APBA1: variants seen among roughly 807,000 people sequenced by gnomAD.
APBA1 encodes the protein amyloid-beta A4 precursor protein-binding family A member 1.
APBA1 carries 55 observed loss-of-function variants against 86.6 expected under a neutral mutation model. The ratio of observed to expected loss-of-function variants is 0.64; its 90% confidence interval spans 0.51 to 0.80. The LOEUF (loss-of-function observed/expected upper bound fraction) is 0.80. Ranked by LOEUF, APBA1 falls within the 30% of genes least tolerant of loss-of-function variation. The pLI is 0.00. For missense variants in APBA1, 1,090 were observed against 1,183.0 expected (o/e 0.92, Z 1.15); for synonymous variants, 511 against 493.9 (o/e 1.03, Z -0.46).
intron 1 of APBA1, among the ~76,000 whole-genome samples, chr9:69,625,148 G>T (rs1335859547): frequency 1.3e-5 from 2 of 152,042 alleles, no homozygotes; most frequent in African/African-American, 4.8e-5. Flanking sequence ...TAGTACATTG[G>T]CCACAAAAGC....
intron 1 of APBA1, among the ~76,000 whole-genome samples, chr9:69,651,634 C>T (rs946016539): frequency 6.6e-6 from 1 of 152,142 alleles, no homozygotes; most frequent in African/African-American, 2.4e-5. Context: ...CACCACCATG[C>T]CCAGCTAATT....
At chr9:69,433,904 C>T (rs1306592611) in intron 11 of APBA1, among the ~76,000 whole-genome samples, 4 of 151,466 alleles carry the variant, frequency 2.6e-5, no homozygotes, top group African/African-American at 9.7e-5. Context: ...CTTTGCCTCC[C>T]GGGTTCAGGT....
At chr9:69,518,085 C>T (rs1836196373) in intron 1 of APBA1, among the ~76,000 whole-genome samples, 1 of 152,238 alleles carries the variant, frequency 6.6e-6, no homozygotes, top group East Asian at 1.9e-4. Context: ...ATTGCGCACT[C>T]AGCATCCAGG....
intron 1 of APBA1, among the ~76,000 whole-genome samples, chr9:69,527,604 T>C (rs1836364618): frequency 6.6e-6 from 1 of 152,100 alleles, no homozygotes; most frequent in African/African-American, 2.4e-5. Context: ...GCTCTCACTG[T>C]TTGTGCTCTT....
intron 1 of APBA1, among the ~76,000 whole-genome samples, chr9:69,518,059 ATAGT>A (rs1354182707): frequency 6.6e-6 from 1 of 152,200 alleles, no homozygotes; most frequent in Non-Finnish European, 1.5e-5. Context: ...CTGGTTTCTA[ATAGT>A]TAGGCTTCCC....
chr9:69,650,946 A>G (rs1823486101), intron 1 of APBA1, among the ~76,000 whole-genome samples: 1 of 152,240 alleles, frequency 6.6e-6, no homozygotes, highest in Non-Finnish European at 1.5e-5. Flanking sequence ...ATACAAAGAC[A>G]GAAAGACATA....
At chr9:69,558,729 T>A (rs1836903997) in intron 1 of APBA1, among the ~76,000 whole-genome samples, 1 of 152,094 alleles carries the variant, frequency 6.6e-6, no homozygotes, top group Non-Finnish European at 1.5e-5. Flanking sequence ...CTCTTCCTCC[T>A]CCCATCCTCC....
intron 9 of APBA1, among the ~76,000 whole-genome samples, chr9:69,450,945 G>A (rs1214549127): frequency 2.0e-5 from 3 of 152,116 alleles, no homozygotes; most frequent in East Asian, 1.9e-4. Flanking sequence ...CTTCTCTCAC[G>A]GCTCTCAGAA....
chr9:69,584,152 A>G (rs939243946), intron 1 of APBA1, among the ~76,000 whole-genome samples: 4 of 152,186 alleles, frequency 2.6e-5, no homozygotes, highest in African/African-American at 9.7e-5. Context: ...GAAAGAAAAT[A>G]TTGATTAATC....
chr9:69,600,838 T>A (rs1293956385), intron 1 of APBA1, among the ~76,000 whole-genome samples: 2 of 146,662 alleles, frequency 1.4e-5, no homozygotes, highest in Non-Finnish European at 1.5e-5. Flanking sequence ...ATAAATAAAA[T>A]AAAATAAAAA....
chr9:69,627,240 TTTG>T (rs906392460), intron 1 of APBA1, among the ~76,000 whole-genome samples: 1 of 152,110 alleles, frequency 6.6e-6, no homozygotes, highest in African/African-American at 2.4e-5. Flanking sequence ...GGGTTGCCTT[TTTG>T]TTGTTGTTGT....
intron 1 of APBA1, among the ~76,000 whole-genome samples, chr9:69,523,482 T>TATATATATATACATAC (rs1836289070): frequency 1.2e-5 from 1 of 81,344 alleles, no homozygotes; most frequent in African/African-American, 5.5e-5. Flanking sequence ...TATATGTATA[T>TATATATATATACATAC]ATATATATAT....
At chr9:69,659,190 A>G (rs893009648) in intron 1 of APBA1, among the ~76,000 whole-genome samples, 2 of 152,178 alleles carry the variant, frequency 1.3e-5, no homozygotes, top group African/African-American at 2.4e-5. Context: ...AGTCCTACAT[A>G]TGAAAAGACA....
intron 1 of APBA1, among the ~76,000 whole-genome samples, chr9:69,563,843 T>C (rs1485904494): frequency 2.0e-5 from 3 of 152,176 alleles, no homozygotes; most frequent in African/African-American, 4.8e-5. Context: ...TAGCACTCAC[T>C]GACTTTTGTC....
At chr9:69,451,733 TC>T (rs2133808996) in intron 9 of APBA1, among the ~76,000 whole-genome samples, 2 of 152,304 alleles carry the variant, frequency 1.3e-5, no homozygotes, top group East Asian at 3.9e-4. Context: ...AAACTTGAGA[TC>T]TTCTCTGTTT....
At chr9:69,495,211 T>C (rs1835776425) in intron 2 of APBA1, among the ~76,000 whole-genome samples, 1 of 152,120 alleles carries the variant, frequency 6.6e-6, no homozygotes, top group African/African-American at 2.4e-5. Context: ...TCCCCCTCTC[T>C]ATTCTTGCTG....
chr9:69,435,327 G>A (rs1446828336), intron 11 of APBA1, among the ~76,000 whole-genome samples: 2 of 152,110 alleles, frequency 1.3e-5, no homozygotes, highest in African/African-American at 4.8e-5. Context: ...GGATGGCTGG[G>A]TCAAATGGTA....
At chr9:69,614,978 C>T (rs920151227) in intron 1 of APBA1, among the ~76,000 whole-genome samples, 5 of 152,134 alleles carry the variant, frequency 3.3e-5, no homozygotes, top group Non-Finnish European at 2.9e-5. Context: ...GCTGGCAGAT[C>T]GCTTGAGGTC....
intron 1 of APBA1, among the ~76,000 whole-genome samples, chr9:69,553,333 C>T (rs1836816417): frequency 6.6e-6 from 1 of 152,146 alleles, no homozygotes. Flanking sequence ...TTCCATCACC[C>T]TAGAAAATTC....
Sources: allele counts gnomAD v4.1 joint callset (sites outside exome capture counted in the v4.1 genomes callset), GRCh38; gene constraint gnomAD v4.1.1; transcripts MANE v1.5; gene names NCBI Gene and HGNC (gene_info 2026-07-23, HGNC 2026-07-21).